MEAK7: variants seen among roughly 807,000 people sequenced by gnomAD.
MEAK7 encodes the protein MTOR-associated protein MEAK7.
In MEAK7, 68 loss-of-function variants were observed where a neutral mutation model predicts 40.5. The ratio of observed to expected loss-of-function variants is 1.68; its 90% CI spans 1.38 to 2.06. The LOEUF (loss-of-function observed/expected upper bound fraction) is 2.06, where lower values mean the gene tolerates loss of function less well. Among genes scored for constraint, MEAK7 ranks in the 30% most tolerant of loss-of-function variants. The pLI is 0.00. For synonymous variants in MEAK7, 338 were observed against 231.9 expected, an observed-to-expected ratio of 1.46 and a Z score of -4.16; for missense variants, 918 against 580.5, an observed-to-expected ratio of 1.58 and a Z score of -5.98.
At chr16:84,484,100 G>A (rs1465198392) in intron 5 of MEAK7, among the ~76,000 whole-genome samples, 1 of 152,168 alleles carries the variant, frequency 6.6e-6, no homozygotes, top group African/African-American at 2.4e-5. Flanking sequence ...TTGCAATCCT[G>A]AGCCCGTCTT....
intron 4 of MEAK7, chr16:84,488,150 G>A (rs909452171): frequency 1.6e-4 from 25 of 151,836 alleles, no homozygotes; most frequent in African/African-American, 2.7e-4. Flanking sequence ...AATTTTAATC[G>A]TCTGAATTAC....
intron 2 of MEAK7, chr16:84,497,678 A>T: frequency 1.4e-6 from 2 of 1,468,606 alleles, no homozygotes; most frequent in Non-Finnish European, 1.8e-6. Flanking sequence ...TATTGATTTC[A>T]AAAACGGGGA....
chr16:84,487,707 C>T (rs1263607583), intron 4 of MEAK7: 1 of 152,456 alleles, frequency 6.6e-6, no homozygotes, highest in Non-Finnish European at 1.5e-5. Context: ...TATTTTCCAT[C>T]CCTCACCCAC....
intron 5 of MEAK7, chr16:84,486,152 C>CT (rs1316522531): frequency 6.5e-6 from 1 of 155,010 alleles, no homozygotes; most frequent in African/African-American, 2.4e-5. Context: ...TTAAAGGACT[C>CT]TTTTCATCAG....
rs750545948 is a variant in MEAK7, at chr16:84,482,758, G to T, written c.959-48C>A. On this transcript the variant is annotated intron_variant, in intron 5 of 7. Coordinates refer to ENST00000343629, the MANE Select transcript of MEAK7 (RefSeq NM_020947.4). ...ACAAACAGGGTCGGTGTCTGAGCCG[G>T]TCCCACAGGGCCGGAAATGCCGGTA... 4 of 1,608,170 alleles carry T rather than the reference G, an allele frequency of 2.5e-6. No homozygotes were observed. In the Admixed American group the frequency reaches 6.8e-5, roughly 27 times the overall value.
At chr16:84,493,759 G>A (rs1052326267) in intron 3 of MEAK7, among the ~76,000 whole-genome samples, 2 of 152,152 alleles carry the variant, frequency 1.3e-5, no homozygotes, top group Non-Finnish European at 2.9e-5. Flanking sequence ...TGGAAACACT[G>A]GTTATTTCAT....
At chr16:84,502,035 T>G (rs952160634) in intron 1 of MEAK7, among the ~76,000 whole-genome samples, 2 of 152,080 alleles carry the variant, frequency 1.3e-5, no homozygotes, top group South Asian at 4.1e-4. Flanking sequence ...TCCCAGCTAC[T>G]TGAGAGGCTG....
intron 2 of MEAK7, among the ~76,000 whole-genome samples, chr16:84,496,372 G>C (rs1914049916): frequency 6.6e-6 from 1 of 152,108 alleles, no homozygotes; most frequent in East Asian, 1.9e-4. Flanking sequence ...ATACCTGGCT[G>C]GTGTCCACCG....
chr16:84,489,382 C>T lies in MEAK7; in HGVS notation c.425G>A (p.Ser142Asn), dbSNP rs765381153. ...CCAGCCTCTCAGCTCCTGTCTGTGG[C>T]TTAGCACGTGCACCACAGAGCCAAC... ...DLVGSVVHVLSHRQELRGWTG... is the reference protein window; with the variant it reads ...DLVGSVVHVLNHRQELRGWTG... The change falls in exon 4 of 8, where the codon AGC (serine) becomes AAC (asparagine). Residue 142 changes from serine to asparagine, a missense_variant. By Grantham distance (46) the Ser-to-Asn change is conservative. Transcript: ENST00000343629. 8.1e-6 allele frequency: 13 copies of T among 1,613,964 alleles called. No homozygotes were observed. The East Asian group carries it at 1.6e-4, about 19-fold the overall frequency.
rs763371279 is a variant in MEAK7, at chr16:84,498,071, T to C, written c.16A>G (p.Ser6Gly). 4 of 1,612,016 alleles carry C rather than the reference T, an allele frequency of 2.5e-6. No homozygotes were observed. In the South Asian group the frequency reaches 4.4e-5, roughly 18 times the overall value. MGNSR[S>G]RVGRSFCSQF... ...GAACAAAAGCTCCGCCCCACACGGC[T>C]TCTGCTGTTCCCCATCTGTCCTGAT... Residue 6 changes from serine (S) to glycine (G), a missense_variant, in exon 2 of 8, where the codon AGC becomes GGC. By Grantham distance (56) the Ser-to-Gly change is moderately conservative. Coordinates refer to ENST00000343629, the MANE Select transcript of MEAK7 (RefSeq NM_020947.4).
At chr16:84,480,733 A>G in intron 6 of MEAK7, 25 bp from the exon 7 acceptor site, 1 of 1,595,068 alleles carries the variant, frequency 6.3e-7, no homozygotes. Flanking sequence ...AGGACAGAGA[A>G]TAGCATCAGC....
intron 5 of MEAK7, chr16:84,486,355 G>T: frequency 1.0e-6 from 1 of 959,080 alleles, no homozygotes; most frequent in Non-Finnish European, 1.4e-6. Context: ...AGGCATCTGT[G>T]GCTTGACTTC....
intron 3 of MEAK7, among the ~76,000 whole-genome samples, chr16:84,492,131 G>C (rs1046031473): frequency 6.6e-6 from 1 of 152,142 alleles, no homozygotes; most frequent in African/African-American, 2.4e-5. Context: ...TTGTGGAAGA[G>C]GTGGATGTAT....
intron 7 of MEAK7, 94 bp downstream of exon 7, chr16:84,480,435 C>T: frequency 1.4e-6 from 2 of 1,402,290 alleles, no homozygotes; most frequent in South Asian, 2.9e-5. Flanking sequence ...AAACTATCTG[C>T]AGACAGAAGA....
At chr16:84,483,370 TCGTCCTCGGAGCTCCC>T (rs1204779957) in intron 5 of MEAK7, among the ~76,000 whole-genome samples, 2 of 152,260 alleles carry the variant, frequency 1.3e-5, no homozygotes, top group African/African-American at 4.8e-5. Flanking sequence ...AGGCCAGGCC[TCGTCCTCGGAGCTCCC>T]AGCGAGGGAC....
chr16:84,488,803 G>A (rs959347375), intron 4 of MEAK7, among the ~76,000 whole-genome samples: 2 of 152,200 alleles, frequency 1.3e-5, no homozygotes, highest in African/African-American at 4.8e-5. Flanking sequence ...TGCTGAAAGG[G>A]AAATGTGCAA....
chr16:84,497,706 T>A (rs530913505), intron 2 of MEAK7: 1 of 1,418,460 alleles, frequency 7.0e-7, no homozygotes, highest in East Asian at 2.6e-5. Context: ...GTTTAGACAC[T>A]GTCTATGGCT....
At chr16:84,480,243 C>T (rs937116248) in intron 7 of MEAK7, among the ~76,000 whole-genome samples, 1 of 152,088 alleles carries the variant, frequency 6.6e-6, no homozygotes, top group African/African-American at 2.4e-5. Context: ...GCGGAAGGAA[C>T]CCTAGACATT....
rs1912125123 is a variant in MEAK7 at position 84,476,676 on chromosome 16, AGGTG to A, written c.*3233_*3236del. On this transcript the variant is annotated 3_prime_UTR_variant, in exon 8 of 8. Transcript: ENST00000343629. ...CAGTCCATAAAGACAAGAGGGAGGC[AGGTG>A]GGTGGTTACGGACCTCCCTTTAAAA... is the stretch of plus-strand genomic sequence containing the variant. The A allele has an allele frequency of 6.6e-6, 1 of 152,242 alleles. No individual in the cohort carries two copies. The highest frequency in any genetic ancestry group is 2.1e-4 in the South Asian group (1 of 4,834). 9.4% of individuals were successfully genotyped at this position (152,242 alleles called of 1,614,324 possible).
Sources: allele counts gnomAD v4.1 joint callset (sites outside exome capture counted in the v4.1 genomes callset), GRCh38; gene constraint gnomAD v4.1.1; transcripts MANE v1.5; gene names NCBI Gene and HGNC (gene_info 2026-07-23, HGNC 2026-07-21).